ANKFN1: variants seen among roughly 807,000 people sequenced by gnomAD.
ANKFN1 encodes ankyrin repeat and fibronectin type-III domain-containing protein 1.
A neutral mutation model predicts 108.7 loss-of-function variants in ANKFN1; 74 were observed. The ratio of observed to expected loss-of-function variants is 0.68; its 90% CI spans 0.56 to 0.83. The LOEUF (loss-of-function observed/expected upper bound fraction) is 0.83, where lower values mean the gene tolerates loss of function less well. ANKFN1 is among the 40% of genes least tolerant of loss of function. The probability of loss-of-function intolerance (pLI) is 0.00; values close to 1 mark genes in which losing one functional copy is unlikely to be tolerated. For missense variants in ANKFN1, 1,505 were observed against 1,382.3 expected (o/e 1.09, Z -1.41); for synonymous variants, 547 against 516.2 (o/e 1.06, Z -0.81).
At chr17:56,307,633 C>T (rs2044872074) in intron 3 of ANKFN1, among the ~76,000 whole-genome samples, 1 of 152,296 alleles carries the variant, frequency 6.6e-6, no homozygotes, top group Middle Eastern at 3.4e-3. Flanking sequence ...GTTGGTGGGA[C>T]TGTAAACTAG....
chr17:56,394,377 T>C (rs1383566880), intron 8 of ANKFN1, among the ~76,000 whole-genome samples: 6 of 152,182 alleles, frequency 3.9e-5, no homozygotes, highest in Non-Finnish European at 5.9e-5. Flanking sequence ...TTCCCTGTCA[T>C]ACACCCCTCG....
chr17:56,497,050 A>C (rs886340130), intron 19 of ANKFN1, among the ~76,000 whole-genome samples: 5 of 152,128 alleles, frequency 3.3e-5, no homozygotes, highest in African/African-American at 9.7e-5. Flanking sequence ...AAATACCAAA[A>C]CACAATCCCT....
Position 56,457,391 on chromosome 17 carries a change from TA to T in ANKFN1, c.1440+3del. On this transcript the variant is annotated splice_donor_region_variant and intron_variant, in intron 13 of 20. Coordinates refer to ENST00000682825, the MANE Select transcript of ANKFN1 (RefSeq NM_001370326.1). ...CAAGATTTTCTGTGGTTCACGAAGGTATACTAAGTTCTGATTTCATTTTTCC... is the reference window on the plus strand; with the variant it reads ...CAAGATTTTCTGTGGTTCACGAAGGTTACTAAGTTCTGATTTCATTTTTCC... The T allele has an allele frequency of 1.3e-6, 2 of 1,581,522 alleles. No individual in the cohort carries two copies. The highest frequency in any genetic ancestry group is 1.7e-6 in the Non-Finnish European group (2 of 1,170,952).
intron 8 of ANKFN1, among the ~76,000 whole-genome samples, chr17:56,418,774 C>T (rs1234225314): frequency 4.6e-5 from 7 of 151,202 alleles, no homozygotes; most frequent in Admixed American, 3.3e-4. Flanking sequence ...ATTATATTTC[C>T]CCTACAGCAT....
intron 8 of ANKFN1, among the ~76,000 whole-genome samples, chr17:56,390,448 T>C (rs1219408946): frequency 6.6e-6 from 1 of 152,218 alleles, no homozygotes; most frequent in East Asian, 1.9e-4. Flanking sequence ...ATTCTATCAT[T>C]GATGGGCATT....
At chr17:56,192,694 A>G (rs1407208683) in intron 1 of ANKFN1, among the ~76,000 whole-genome samples, 1 of 68,174 alleles carries the variant, frequency 1.5e-5, no homozygotes, top group Non-Finnish European at 2.8e-5. Flanking sequence ...AATCAAAACC[A>G]CTATGAGATA....
At chr17:56,441,117 G>A (rs1312028223) in intron 9 of ANKFN1, among the ~76,000 whole-genome samples, 3 of 152,100 alleles carry the variant, frequency 2.0e-5, no homozygotes, top group African/African-American at 4.8e-5. Flanking sequence ...TCAAACTGGA[G>A]CAAACCCTGT....
chr17:56,114,464 A>G lies in ANKFN1; in HGVS notation c.288+68139A>G, dbSNP rs189684988. 6.6e-5 allele frequency among the ~76,000 whole-genome samples: 10 copies of G among 152,332 alleles called. No individual in the cohort carries two copies. In the East Asian group the frequency reaches 1.9e-3, roughly 29 times the overall value. ...AATTTTTGAGTGCCTGTAATGGACT[A>G]GAAGTGGTTCATTTGTCATCATCCA... On this transcript the variant is annotated intron_variant, in intron 4 of 12. Coordinates refer to the ANKFN1 transcript ENST00000635860.
chr17:56,378,704 G>A (rs1003648557), intron 8 of ANKFN1, among the ~76,000 whole-genome samples: 4 of 152,204 alleles, frequency 2.6e-5, no homozygotes, highest in Non-Finnish European at 4.4e-5. Context: ...ACGAGGAGGA[G>A]CAGGAAATGT....
At chr17:56,415,902 C>A (rs1216669374) in intron 8 of ANKFN1, among the ~76,000 whole-genome samples, 2 of 151,968 alleles carry the variant, frequency 1.3e-5, no homozygotes, top group African/African-American at 4.8e-5. Context: ...AATCCAGAAA[C>A]AAATCGATAC....
intron 1 of ANKFN1, among the ~76,000 whole-genome samples, chr17:56,199,267 CAA>C (rs35028021): frequency 0.41 from 53,029 of 128,694 alleles, 10,644 homozygotes; most frequent in South Asian, 0.65. Context: ...ATTGCTGTTA[CAA>C]AAAAAAAAAA....
Position 56,515,907 on chromosome 17 carries a change from A to C in ANKFN1, c.*4638A>C, listed in dbSNP as rs955845535. Among the ~76,000 whole-genome samples, 1 of 152,176 alleles carries C rather than the reference A, an allele frequency of 6.6e-6. No individual in the cohort carries two copies. The highest frequency in any genetic ancestry group is 1.9e-4 in the East Asian group (1 of 5,188). On this transcript the variant is annotated 3_prime_UTR_variant, in exon 21 of 21. Coordinates refer to ENST00000682825, the MANE Select transcript of ANKFN1 (RefSeq NM_001370326.1). ...ATAGGTGGGCTGTGAAAAATATTCT[A>C]TTGTGATAAAGGAAGTAGATTTGTT...
chr17:56,432,497 G>A (rs77292905), intron 8 of ANKFN1, among the ~76,000 whole-genome samples: 2,627 of 152,276 alleles, frequency 0.017, 67 homozygotes, highest in African/African-American at 0.059. Flanking sequence ...TTATGCTATC[G>A]GGAGTAGCGC....
intron 18 of ANKFN1, among the ~76,000 whole-genome samples, chr17:56,490,709 A>G (rs958525060): frequency 4.6e-5 from 7 of 152,196 alleles, no homozygotes; most frequent in Admixed American, 3.9e-4. Context: ...TCAGGCAAAA[A>G]AAAGTGCTAA....
chr17:56,229,661 CAAAAAAAAAAAAA>C (rs58714064), intron 3 of ANKFN1, among the ~76,000 whole-genome samples: 1 of 40,186 alleles, frequency 2.5e-5, no homozygotes, highest in Non-Finnish European at 4.5e-5. Context: ...TTTCAGATTG[CAAAAAAAAAAAAA>C]AAAAAAAAAA....
At chr17:56,169,991 T>C (rs1394494920) in intron 1 of ANKFN1, among the ~76,000 whole-genome samples, 1 of 152,162 alleles carries the variant, frequency 6.6e-6, no homozygotes, top group Admixed American at 6.5e-5. Context: ...ATCAGGTCGA[T>C]CTGGTAAATC....
intron 4 of ANKFN1, among the ~76,000 whole-genome samples, chr17:56,114,054 A>T (rs1906126935): frequency 6.6e-6 from 1 of 152,190 alleles, no homozygotes; most frequent in Non-Finnish European, 1.5e-5. Context: ...ACCTAAGATT[A>T]TACAGCTACC....
intron 19 of ANKFN1, among the ~76,000 whole-genome samples, chr17:56,495,286 C>T (rs975290329): frequency 6.6e-6 from 1 of 151,582 alleles, no homozygotes; most frequent in African/African-American, 2.4e-5. Flanking sequence ...AATTCAATAT[C>T]ATCTCTCCCT....
intron 3 of ANKFN1, among the ~76,000 whole-genome samples, chr17:56,251,954 T>C (rs1043459159): frequency 2.0e-5 from 3 of 152,224 alleles, no homozygotes; most frequent in African/African-American, 7.2e-5. Context: ...TGGAGAAGGA[T>C]GAATTGCAGA....
Sources: allele counts gnomAD v4.1 joint callset (sites outside exome capture counted in the v4.1 genomes callset), GRCh38; gene constraint gnomAD v4.1.1; transcripts MANE v1.5; gene names NCBI Gene and HGNC (gene_info 2026-07-23, HGNC 2026-07-21).